KDM5B: variants seen among roughly 807,000 people sequenced by gnomAD.
KDM5B encodes lysine demethylase 5B, also known as lysine-specific demethylase 5B.
Under a neutral mutation model 193.4 loss-of-function variants are expected in KDM5B, and 144 were observed. The ratio of observed to expected loss-of-function variants is 0.74; its 90% CI spans 0.65 to 0.86. The LOEUF (loss-of-function observed/expected upper bound fraction) is 0.86, where lower values mean the gene tolerates loss of function less well. Ranked by LOEUF, KDM5B falls within the 40% of genes least tolerant of loss-of-function variation. The pLI, the probability that KDM5B is intolerant of heterozygous loss-of-function variation, is 0.00. For missense variants in KDM5B, 1,833 were observed against 1,886.9 expected (o/e 0.97, Z 0.53); for synonymous variants, 668 against 682.6 (o/e 0.98, Z 0.33).
chr1:202,749,240 G>A (rs1351125043), intron 13 of KDM5B, 101 bp from the exon 14 acceptor site: 1 of 994,254 alleles, frequency 1.0e-6, no homozygotes, highest in Non-Finnish European at 1.4e-6. Context: ...CACACTATGG[G>A]TCTTAACACG....
intron 8 of KDM5B, among the ~76,000 whole-genome samples, chr1:202,759,198 C>T (rs577733795): frequency 6.6e-6 from 1 of 152,258 alleles, no homozygotes; most frequent in African/African-American, 2.4e-5. Context: ...TATTATAATT[C>T]AACCCTAAGA....
At chr1:202,761,962 A>G (rs999164523) in intron 7 of KDM5B, among the ~76,000 whole-genome samples, 1 of 151,098 alleles carries the variant, frequency 6.6e-6, no homozygotes, top group African/African-American at 2.4e-5. Context: ...TGTATTGGGG[A>G]GAGGGGGTGG....
chr1:202,775,747 T>C (rs1170484123), intron 2 of KDM5B, among the ~76,000 whole-genome samples: 1 of 145,118 alleles, frequency 6.9e-6, no homozygotes, highest in Non-Finnish European at 1.5e-5. Context: ...TGCCAACTAC[T>C]CAGGAGGCCG....
rs746449563 is a variant in KDM5B at position 202,729,013 on chromosome 1, G to A, written c.*23C>T. On this transcript the variant is annotated 3_prime_UTR_variant, in exon 27 of 27. Transcript: ENST00000367265. ...TTGGAGTCCTGAATTACATTAAGTA[G>A]GGGGGTATCTGTTTTTGTGTTTTTA... 1.3e-5 allele frequency: 21 copies of A among 1,613,460 alleles called. No individual in the cohort carries two copies. Among genetic ancestry groups the A allele is most frequent in the Non-Finnish European group, 1.8e-5 (21 of 1,179,636 alleles).
intron 1 of KDM5B, chr1:202,806,903 A>C (rs927096478): frequency 6.6e-6 from 1 of 152,212 alleles, no homozygotes; most frequent in Non-Finnish European, 1.5e-5. Context: ...AGCCCGTCCA[A>C]CCGCCGCTTA....
At chr1:202,754,287 T>C (rs1344711321) in intron 11 of KDM5B, among the ~76,000 whole-genome samples, 1 of 152,230 alleles carries the variant, frequency 6.6e-6, no homozygotes, top group African/African-American at 2.4e-5. Flanking sequence ...GCCAATTCTC[T>C]TTCTTGTGGT....
chr1:202,755,206 C>A, intron 11 of KDM5B, 65 bp downstream of exon 11: 1 of 1,313,454 alleles, frequency 7.6e-7, no homozygotes, highest in Non-Finnish European at 1.1e-6. Context: ...CACATCTGCA[C>A]TGAAAAGGAA....
chr1:202,775,595 C>T (rs1656909355), intron 2 of KDM5B, among the ~76,000 whole-genome samples: 1 of 146,564 alleles, frequency 6.8e-6, no homozygotes, highest in Admixed American at 6.9e-5. Context: ...GTAGCTCACA[C>T]CTGTAATCCC....
At chr1:202,799,552 C>CTG (rs1657990257) in intron 1 of KDM5B, among the ~76,000 whole-genome samples, 1 of 151,722 alleles carries the variant, frequency 6.6e-6, no homozygotes, top group African/African-American at 2.4e-5. Context: ...ACTAGGAAGG[C>CTG]TGAGGCAGGA....
chr1:202,752,145 T>C (rs1177501848), intron 12 of KDM5B, among the ~76,000 whole-genome samples: 1 of 152,226 alleles, frequency 6.6e-6, no homozygotes, highest in African/African-American at 2.4e-5. Context: ...CATTTCAATA[T>C]GGCTTCCCAA....
chr1:202,788,903 T>C (rs1307200280), intron 1 of KDM5B, among the ~76,000 whole-genome samples: 1 of 152,162 alleles, frequency 6.6e-6, no homozygotes, highest in Admixed American at 6.5e-5. Context: ...GAAAGGATTA[T>C]ATACTTTAAA....
chr1:202,764,076 C>A lies in KDM5B; in HGVS notation c.781G>T (p.Gly261Cys), dbSNP rs773775866. 6.3e-7 allele frequency: 1 copy of A among 1,576,710 alleles called. No homozygotes were observed. The highest frequency in any genetic ancestry group is 2.4e-5 in the East Asian group (1 of 42,508). ...ARTHNLRRRM[G>C]CPTPKCENEK... ...TTTTCACATTTTGGAGTTGGACAAC[C>A]CATTCGACGTCTCAGATTATGAGTT... Residue 261 changes from glycine to cysteine, a missense_variant, in exon 6 of 27, where the codon GGT becomes TGT. Coordinates refer to ENST00000367265, the MANE Select transcript of KDM5B (RefSeq NM_006618.5).
intron 8 of KDM5B, chr1:202,759,077 C>G (rs1656132611): frequency 6.6e-6 from 1 of 152,192 alleles, no homozygotes; most frequent in Non-Finnish European, 1.5e-5. Context: ...TATCCCTGTC[C>G]CATGCCTAAT....
At chr1:202,730,680 G>A (rs1260222905) in intron 25 of KDM5B, among the ~76,000 whole-genome samples, 1 of 152,084 alleles carries the variant, frequency 6.6e-6, no homozygotes, top group Non-Finnish European at 1.5e-5. Context: ...AAATGTGATG[G>A]GTCAGTTAGT....
rs1189771603 is a variant in KDM5B at position 202,742,453 on chromosome 1, G to A, written c.2527C>T (p.Arg843Trp). 40 of 1,613,952 alleles carry A rather than the reference G, an allele frequency of 2.5e-5. No individual in the cohort carries two copies. In the Admixed American group the frequency reaches 3.5e-4, roughly 14 times the overall value. Residue 843 changes from arginine (R) to tryptophan (W), a missense_variant, in exon 18 of 27, where the codon CGG becomes TGG. Physicochemically the swap from Arg to Trp is moderately radical, Grantham distance 101 (BLOSUM62 -3). This residue lies in a region of KDM5B where 1,379 missense variants were observed against 1,349.6 expected (regional missense o/e 1.02). Transcript: ENST00000367265. ...SQNQLTVNEL[R>W]QFVTQLYALP... ...GCATACAGCTGTGTTACAAACTGCC[G>A]GAGCTCATTCACTGTCAACTGATTT...
At chr1:202,802,491 C>T (rs1029785462) in intron 1 of KDM5B, among the ~76,000 whole-genome samples, 1 of 152,100 alleles carries the variant, frequency 6.6e-6, no homozygotes, top group Non-Finnish European at 1.5e-5. Context: ...CTCCTGGGTT[C>T]AAGCAATTCT....
chr1:202,800,294 G>A (rs1447946238), intron 1 of KDM5B, among the ~76,000 whole-genome samples: 5 of 151,730 alleles, frequency 3.3e-5, no homozygotes, highest in African/African-American at 4.8e-5. Flanking sequence ...CACCTGCCTC[G>A]GCCTCCCAAA....
chr1:202,736,405 GA>G lies in KDM5B; in HGVS notation c.3085-14del. On this transcript the variant is annotated splice_polypyrimidine_tract_variant and intron_variant, in intron 20 of 26. Transcript: ENST00000367265. Reference sequence around the variant, plus strand: ...CACGTCCTCCAGCCTAATAAGTCAAGAAAAATTACAGCAGTTTAGAGAAAAG... The same window carrying G: ...CACGTCCTCCAGCCTAATAAGTCAAGAAAATTACAGCAGTTTAGAGAAAAG... 1 of 1,526,092 alleles carries G rather than the reference GA, an allele frequency of 6.6e-7. No individual in the cohort carries two copies. The highest frequency in any genetic ancestry group is 1.4e-5 in the African/African-American group (1 of 71,786). The allele number at this position is 1,526,092 out of a possible 1,614,324, so 94.5% of individuals were successfully genotyped here. A position where few individuals can be genotyped will look rare whatever the true frequency, so the allele number is the denominator to read the frequency against.
At chr1:202,780,014 C>G (rs1403772336) in intron 1 of KDM5B, among the ~76,000 whole-genome samples, 1 of 151,734 alleles carries the variant, frequency 6.6e-6, no homozygotes, top group Admixed American at 6.6e-5. Flanking sequence ...TAATAACTTA[C>G]AGAAAAATGG....
Sources: allele counts gnomAD v4.1 joint callset (sites outside exome capture counted in the v4.1 genomes callset), GRCh38; gene constraint gnomAD v4.1.1; regional missense constraint gnomAD v4.1.1; transcripts MANE v1.5; gene names NCBI Gene and HGNC (gene_info 2026-07-23, HGNC 2026-07-21).